Variants in GPSM2 observed in about 807,000 individuals in gnomAD.
GPSM2 encodes the protein G protein signaling modulator 2.
GPSM2 carries 58 observed loss-of-function variants against 78.4 expected under a neutral mutation model. The observed-to-expected ratio is 0.74, with a 90% CI of 0.60 to 0.92. The LOEUF is 0.92. Among genes scored for constraint, GPSM2 ranks in the 40% least tolerant of loss-of-function variants. The pLI is 0.00. For missense variants in GPSM2, 700 were observed against 815.5 expected (o/e 0.86, Z 1.73); for synonymous variants, 224 against 280.2 (o/e 0.80, Z 2.00).
chr1:108,893,707 CA>C (rs1219969956), intron 2 of GPSM2, among the ~76,000 whole-genome samples: 2 of 152,020 alleles, frequency 1.3e-5, no homozygotes, highest in African/African-American at 2.4e-5. Flanking sequence ...CAGTTTTTGA[CA>C]AATAAAGACA....
intron 10 of GPSM2, among the ~76,000 whole-genome samples, chr1:108,910,510 G>A (rs891597528): frequency 6.6e-6 from 1 of 152,134 alleles, no homozygotes; most frequent in African/African-American, 2.4e-5. Context: ...CCTTACTTGT[G>A]AACATAAGAT....
intron 8 of GPSM2, 49 bp from the exon 9 acceptor site, chr1:108,903,077 T>C: frequency 9.2e-7 from 1 of 1,084,520 alleles, no homozygotes; most frequent in Non-Finnish European, 1.4e-6. Context: ...ATTCTATACA[T>C]AGGACCTCTT....
rs1248447782 is a variant in GPSM2 at position 108,897,706 on chromosome 1, ATAGTT to A, written c.414+82_414+86del. ...CATTTTAATACTATTTAATTATTCTATAGTTTATTTTAAAATTAATACCAAAAAAG... is the reference window on the plus strand; with the variant it reads ...CATTTTAATACTATTTAATTATTCTATATTTTAAAATTAATACCAAAAAAG... On this transcript the variant is annotated intron_variant, in intron 4 of 14. Transcript: ENST00000264126. 12 of 1,257,426 alleles carry A rather than the reference ATAGTT, an allele frequency of 9.5e-6. No individual in the cohort carries two copies. In the African/African-American group the frequency reaches 1.5e-4, roughly 16 times the overall value. The allele number at this position is 1,257,426 out of a possible 1,614,324, so 77.9% of individuals were successfully genotyped here.
intron 13 of GPSM2, among the ~76,000 whole-genome samples, chr1:108,923,198 A>G (rs1476826165): frequency 6.6e-6 from 1 of 151,818 alleles, no homozygotes; most frequent in African/African-American, 2.4e-5. Flanking sequence ...ATGCCTGGCT[A>G]ATTATTTTTA....
Position 108,901,836 on chromosome 1 carries a change from GCA to G in GPSM2, c.847_848del (p.Gln283ValfsTer16), listed in dbSNP as rs1247558939. On this transcript the variant is annotated frameshift_variant, in exon 8 of 15. Transcript: ENST00000264126. LOFTEE classifies it high-confidence loss of function. ...ACAGCTTAAAGACCGAGCTGTAGAA[GCA>G]CAGTCTTGTTACAGTCTTGGAAATA... ...ARQLKDRAVEAQSCYSLGNTY... is the reference protein window; with the variant it reads ...ARQLKDRAVEXQSCYSLGNTY... The G allele has an allele frequency of 1.2e-6, 2 of 1,612,342 alleles. No homozygotes were observed. The highest frequency in any genetic ancestry group is 1.7e-6 in the Non-Finnish European group (2 of 1,178,396).
chr1:108,913,079 T>A (rs1649891730), intron 10 of GPSM2, among the ~76,000 whole-genome samples: 1 of 152,132 alleles, frequency 6.6e-6, no homozygotes, highest in African/African-American at 2.4e-5. Context: ...ATGGAAACTC[T>A]TGTGTGGTAT....
At chr1:108,929,668 G>A (rs757821868) in intron 14 of GPSM2, 33 bp from the exon 15 acceptor site, 12 of 1,605,876 alleles carry the variant, frequency 7.5e-6, no homozygotes, top group Non-Finnish European at 1.0e-5. Context: ...CTTTCCCACA[G>A]TATGTCTTTT....
chr1:108,903,000 A>G, intron 8 of GPSM2, 126 bp from the exon 9 acceptor site: 1 of 675,536 alleles, frequency 1.5e-6, no homozygotes. Flanking sequence ...ATAGTATGTT[A>G]TTTATATGAA....
At chr1:108,920,300 A>G (rs777566920) in intron 12 of GPSM2, among the ~76,000 whole-genome samples, 18 of 151,998 alleles carry the variant, frequency 1.2e-4, no homozygotes, top group African/African-American at 4.8e-5. Flanking sequence ...GAAACCCCGT[A>G]TCTACTAAAA....
chr1:108,893,682 G>A (rs1196712638), intron 2 of GPSM2, among the ~76,000 whole-genome samples: 1 of 152,008 alleles, frequency 6.6e-6, no homozygotes, highest in Admixed American at 6.6e-5. Context: ...ATATTTCTTA[G>A]AAATTCATTG....
intron 13 of GPSM2, 76 bp from the exon 14 acceptor site, chr1:108,923,924 A>C: frequency 9.3e-7 from 1 of 1,070,110 alleles, no homozygotes; most frequent in East Asian, 2.4e-5. Context: ...CTAGGTATAT[A>C]ATAAATGTGC....
intron 1 of GPSM2, chr1:108,882,709 C>T (rs562313442): frequency 2.3e-4 from 35 of 152,272 alleles, no homozygotes; most frequent in African/African-American, 8.2e-4. Context: ...GAGATAATAT[C>T]ATTGCCAGTT....
intron 10 of GPSM2, among the ~76,000 whole-genome samples, chr1:108,912,483 C>T (rs1298406048): frequency 6.6e-5 from 10 of 151,868 alleles, no homozygotes; most frequent in Non-Finnish European, 2.9e-5. Flanking sequence ...GTGGCTCACA[C>T]CTGTAATCCC....
intron 10 of GPSM2, among the ~76,000 whole-genome samples, chr1:108,910,990 G>T (rs982267661): frequency 9.9e-5 from 15 of 151,958 alleles, no homozygotes; most frequent in African/African-American, 3.6e-4. Flanking sequence ...TAGAACTAAT[G>T]AAATAGTTCT....
At position 108,931,345 on chromosome 1, in the gene GPSM2, AAAGT is replaced by A. The variant is rs1557886922; in HGVS notation, c.*1408_*1411del. The stretch of plus-strand genomic sequence containing the variant: ...AGGCAGTTTACAAGGGGATGATAAC[AAAGT>A]AACTAACTAACTGTAGCAAAAGACA... On this transcript the variant is annotated 3_prime_UTR_variant, in exon 15 of 15. Transcript: ENST00000264126. The A allele has an allele frequency of 2.6e-6, 4 of 1,550,722 alleles. 1 individual carries two copies. In the South Asian group the frequency reaches 4.8e-5, roughly 18 times the overall value.
In GPSM2 at chr1:108,898,072, T is replaced by C; in HGVS notation, c.528T>C (p.Asp176=). Residue 176 remains aspartate (D), a synonymous_variant, in exon 5 of 15, where the codon GAT becomes GAC. Coordinates refer to ENST00000264126, the MANE Select transcript of GPSM2 (RefSeq NM_013296.5). ...DVGEFPEEVR[D]ALQAAVDFYE... is the part of the protein sequence containing the mutation. ...GAGAATTTCCAGAAGAAGTGAGAGA[T>C]GCTCTGCAGGCAGCCGTGGATTTTT... is the stretch of plus-strand genomic sequence containing the variant. The C allele has an allele frequency of 3.1e-6, 5 of 1,614,052 alleles. No individual in the cohort carries two copies. Among genetic ancestry groups the C allele is most frequent in the Non-Finnish European group, 4.2e-6 (5 of 1,179,922 alleles).
intron 10 of GPSM2, among the ~76,000 whole-genome samples, chr1:108,908,480 G>A (rs1183823447): frequency 2.0e-5 from 3 of 151,846 alleles, no homozygotes; most frequent in South Asian, 4.2e-4. Flanking sequence ...TCAGGAGATC[G>A]AGACCATCTT....
chr1:108,889,988 C>G (rs1348961635), intron 2 of GPSM2, among the ~76,000 whole-genome samples: 1 of 152,144 alleles, frequency 6.6e-6, no homozygotes, highest in East Asian at 1.9e-4. Context: ...ATGCTATGCC[C>G]TATGTTGAAC....
At chr1:108,918,466 A>C in intron 11 of GPSM2, 147 bp from the exon 12 acceptor site, 1 of 631,728 alleles carries the variant, frequency 1.6e-6, no homozygotes, top group South Asian at 2.0e-5. Context: ...ATATACTAAA[A>C]AGGATATTTT....
Sources: gnomAD v4.1 joint callset for allele counts (sites outside exome capture counted in the v4.1 genomes callset) on GRCh38, gnomAD v4.1.1 for gene constraint, MANE v1.5 for transcripts, NCBI Gene and HGNC (gene_info 2026-07-23, HGNC 2026-07-21) for gene names.